COL6A6: variants seen among roughly 807,000 people sequenced by gnomAD.
COL6A6 encodes collagen type VI alpha 6 chain, also known as collagen alpha-6(VI) chain.
A neutral mutation model predicts 208.6 loss-of-function variants in COL6A6; 183 were observed. That is an observed-to-expected ratio of 0.88 (90% CI 0.78 to 0.99). The LOEUF (loss-of-function observed/expected upper bound fraction) is 0.99. Among genes scored for constraint, COL6A6 ranks in the 50% least tolerant of loss-of-function variants. The pLI is 0.00. For synonymous variants in COL6A6, 973 were observed against 1,011.8 expected (o/e 0.96, Z 0.73); for missense variants, 2,816 against 2,815.2 (o/e 1.00, Z -0.01).
intron 36 of COL6A6, among the ~76,000 whole-genome samples, chr3:130,670,967 C>G (rs762874519): frequency 6.6e-6 from 1 of 152,268 alleles, no homozygotes; most frequent in African/African-American, 2.4e-5. Flanking sequence ...AGTCAAGAGA[C>G]TGGACACCCC....
intron 1 of COL6A6, among the ~76,000 whole-genome samples, chr3:130,558,736 CAGAA>C (rs2062819365): frequency 6.6e-6 from 1 of 151,826 alleles, no homozygotes. Context: ...ATAATATAAA[CAGAA>C]AGGAAGAAAA....
chr3:130,669,008 C>A (rs2066144433), intron 36 of COL6A6, among the ~76,000 whole-genome samples: 1 of 152,200 alleles, frequency 6.6e-6, no homozygotes, highest in Non-Finnish European at 1.5e-5. Flanking sequence ...CCTTGTGCAA[C>A]TTCTAACTTA....
At chr3:130,592,415 C>G in intron 13 of COL6A6, 126 bp from the exon 14 acceptor site, 2 of 700,620 alleles carry the variant, frequency 2.9e-6, no homozygotes, top group South Asian at 3.9e-5. Flanking sequence ...TTTTTATAAG[C>G]AAGAACTCTG....
intron 18 of COL6A6, among the ~76,000 whole-genome samples, chr3:130,596,454 A>G (rs933806099): frequency 6.6e-6 from 1 of 152,232 alleles, no homozygotes; most frequent in Non-Finnish European, 1.5e-5. Context: ...TTTAAAAGAA[A>G]TGCTCTATGA....
intron 24 of COL6A6, 53 bp from the exon 25 acceptor site, chr3:130,626,432 T>C: frequency 8.0e-7 from 1 of 1,243,156 alleles, no homozygotes; most frequent in Non-Finnish European, 1.2e-6. Flanking sequence ...ATGAGCTGAA[T>C]TAGTGCCATC....
chr3:130,624,720 T>A (rs935172254), intron 24 of COL6A6, among the ~76,000 whole-genome samples: 39 of 152,232 alleles, frequency 2.6e-4, no homozygotes, highest in African/African-American at 9.4e-4. Flanking sequence ...TCATTATTAA[T>A]ACAAAAGACT....
intron 10 of COL6A6, among the ~76,000 whole-genome samples, chr3:130,586,224 G>A (rs1043422381): frequency 3.3e-5 from 5 of 152,188 alleles, no homozygotes; most frequent in Admixed American, 6.5e-5. Flanking sequence ...AGCATGCTCT[G>A]TAGATCTTTT....
chr3:130,604,352 G>A (rs559506643), intron 20 of COL6A6, among the ~76,000 whole-genome samples: 32 of 152,208 alleles, frequency 2.1e-4, no homozygotes, highest in South Asian at 1.0e-3. Context: ...AAAATTAGCC[G>A]GGCGTGGTGG....
At chr3:130,551,991 A>G (rs1313353978) in intron 1 of COL6A6, among the ~76,000 whole-genome samples, 1 of 152,038 alleles carries the variant, frequency 6.6e-6, no homozygotes, top group Non-Finnish European at 1.5e-5. Flanking sequence ...ATTGATTTCT[A>G]TTTTTATTGC....
At chr3:130,624,299 G>A (rs576892027) in intron 24 of COL6A6, among the ~76,000 whole-genome samples, 1 of 152,208 alleles carries the variant, frequency 6.6e-6, no homozygotes, top group South Asian at 2.1e-4. Flanking sequence ...GATGATTAAC[G>A]GAGAAATTTG....
rs1174954997 is a variant in COL6A6, at chr3:130,626,666, T to C, written c.4941+119T>C. On this transcript the variant is annotated intron_variant, in intron 25 of 36. Transcript: ENST00000358511. ...CAATCCTCATGAAGTTTTATAGTTT[T>C]ATAGAAATTAGGAGGGATATTGTCT... 18 of 730,618 alleles carry C rather than the reference T, an allele frequency of 2.5e-5. No homozygotes were observed. The African/African-American group carries it at 2.6e-4, about 11-fold the overall frequency. 45.3% of individuals were successfully genotyped at this position (730,618 alleles called of 1,614,324 possible).
intron 32 of COL6A6, among the ~76,000 whole-genome samples, chr3:130,647,978 AT>A: frequency 6.6e-6 from 1 of 152,354 alleles, no homozygotes. Context: ...TAGATATCTG[AT>A]ATATGGCAGG....
intron 1 of COL6A6, among the ~76,000 whole-genome samples, chr3:130,553,278 A>G (rs964271781): frequency 9.2e-5 from 14 of 152,232 alleles, no homozygotes; most frequent in African/African-American, 2.7e-4. Context: ...TCTTTCAGGA[A>G]TGCCAATGAG....
rs560933705 is a variant in COL6A6 at position 130,563,000 on chromosome 3, G to C, written c.65-68G>C. ...AAGGAAAGTACTTCCCCGCCATAGA[G>C]TTGGCATTAAATATGGCAGTAAATT... On this transcript the variant is annotated intron_variant, in intron 2 of 36. Transcript: ENST00000358511. 3 of 1,125,336 alleles carry C rather than the reference G, an allele frequency of 2.7e-6. No homozygotes were observed. In the East Asian group the frequency reaches 7.1e-5, roughly 27 times the overall value. 69.7% of individuals were successfully genotyped at this position (1,125,336 alleles called of 1,614,324 possible).
intron 24 of COL6A6, among the ~76,000 whole-genome samples, chr3:130,622,477 CATAAA>C (rs1363010593): frequency 1.2e-4 from 19 of 152,012 alleles, no homozygotes; most frequent in African/African-American, 3.9e-4. Flanking sequence ...CAATCTATGA[CATAAA>C]ATAAAGATAA....
In COL6A6 at chr3:130,594,254, T is replaced by G. The variant is rs1282443826; in HGVS notation, c.4471-27T>G. On this transcript the variant is annotated intron_variant, in intron 17 of 36. Coordinates refer to ENST00000358511, the MANE Select transcript of COL6A6 (RefSeq NM_001102608.3). ...ATTTTATTAAAACTTCTTGTCTTGT[T>G]TTTCTTCTGATTTGTATTAACTTTA... 3.9e-6 allele frequency: 6 copies of G among 1,557,850 alleles called. No homozygotes were observed. The South Asian group carries it at 6.7e-5, about 17-fold the overall frequency.
At chr3:130,518,081 G>T (rs1290267306) in intron 1 of COL6A6, among the ~76,000 whole-genome samples, 1 of 152,148 alleles carries the variant, frequency 6.6e-6, no homozygotes, top group Non-Finnish European at 1.5e-5. Context: ...ACTAGGAAGT[G>T]ATTTTCTTTT....
chr3:130,534,730 G>A (rs2062183733), intron 1 of COL6A6, among the ~76,000 whole-genome samples: 1 of 151,912 alleles, frequency 6.6e-6, no homozygotes, highest in Non-Finnish European at 1.5e-5. Flanking sequence ...ACCACCCTGG[G>A]TTATTTTTTT....
chr3:130,627,094 G>T (rs1379939018), intron 25 of COL6A6, among the ~76,000 whole-genome samples: 3 of 152,072 alleles, frequency 2.0e-5, no homozygotes, highest in African/African-American at 2.4e-5. Context: ...ATTATTCCCA[G>T]CTTACAGATG....
Sources: allele counts gnomAD v4.1 joint callset (sites outside exome capture counted in the v4.1 genomes callset), GRCh38; gene constraint gnomAD v4.1.1; transcripts MANE v1.5; gene names NCBI Gene and HGNC (gene_info 2026-07-23, HGNC 2026-07-21).